PBX1: variants seen among roughly 807,000 people sequenced by gnomAD.
The protein encoded by PBX1 is PBX homeobox 1.
PBX1 carries 6 observed loss-of-function variants against 53.4 expected under a neutral mutation model. That is an observed-to-expected ratio of 0.11 (90% CI 0.06 to 0.22). The LOEUF (loss-of-function observed/expected upper bound fraction) is 0.22, where lower values mean the gene tolerates loss of function less well. PBX1 is among the 10% of genes least tolerant of loss of function. The pLI, the probability that PBX1 is intolerant of heterozygous loss-of-function variation, is 1.00. For missense variants in PBX1, 251 were observed against 551.4 expected (o/e 0.46, Z 5.46); for synonymous variants, 204 against 212.3 (o/e 0.96, Z 0.34).
chr1:164,560,102 G>A (rs778441936), intron 1 of PBX1, 89 bp downstream of exon 1: 27 of 996,230 alleles, frequency 2.7e-5, no homozygotes, highest in Non-Finnish European at 3.6e-5. Flanking sequence ...AATCACCACA[G>A]CGCTTTTTTT....
At chr1:164,679,478 G>A (rs115305598) in intron 2 of PBX1, among the ~76,000 whole-genome samples, 2,522 of 152,152 alleles carry the variant, frequency 0.017, 53 homozygotes, top group East Asian at 0.062. Flanking sequence ...ACAGGTGATG[G>A]GACACAGTGT....
chr1:164,647,850 A>C (rs888324380), intron 2 of PBX1, among the ~76,000 whole-genome samples: 1 of 143,772 alleles, frequency 7.0e-6, no homozygotes, highest in Non-Finnish European at 1.5e-5. Context: ...AGTCTTGCTC[A>C]GTCGCCCAGG....
At chr1:164,605,919 A>G (rs1434725235) in intron 2 of PBX1, among the ~76,000 whole-genome samples, 1 of 152,082 alleles carries the variant, frequency 6.6e-6, no homozygotes, top group Non-Finnish European at 1.5e-5. Context: ...TTAAGATTTT[A>G]TTTTTCATTA....
At chr1:164,677,994 A>G (rs893779247) in intron 2 of PBX1, among the ~76,000 whole-genome samples, 5 of 152,188 alleles carry the variant, frequency 3.3e-5, no homozygotes, top group Admixed American at 2.6e-4. Flanking sequence ...ATGTATGGGT[A>G]GTATGCACAC....
At position 164,860,306 on chromosome 1, in the gene PBX1, G is replaced by A. The variant is rs528043658; in HGVS notation, n.257+28823G>A. ...CACTAGTGCATGATCACTTAGATGAGTTAGCAATTGCTTTCTTTAAAGAAT... is the reference window on the plus strand; with the variant it reads ...CACTAGTGCATGATCACTTAGATGAATTAGCAATTGCTTTCTTTAAAGAAT... On this transcript the variant is annotated intron_variant and non_coding_transcript_variant, in intron 2 of 2. Coordinates refer to the PBX1 transcript ENST00000558796. 5.9e-5 allele frequency among the ~76,000 whole-genome samples: 9 copies of A among 152,302 alleles called. 1 individual carries two copies. The highest frequency in any genetic ancestry group is 2.2e-4 in the African/African-American group (9 of 41,582).
intron 2 of PBX1, among the ~76,000 whole-genome samples, chr1:164,873,868 A>G (rs1039284002): frequency 2.6e-5 from 4 of 152,184 alleles, no homozygotes; most frequent in East Asian, 3.8e-4. Context: ...CTTATACATA[A>G]GCCTTACAAT....
intron 2 of PBX1, among the ~76,000 whole-genome samples, chr1:164,872,016 C>T (rs1484564306): frequency 6.6e-6 from 1 of 152,150 alleles, no homozygotes; most frequent in East Asian, 1.9e-4. Context: ...TACTCGAGCT[C>T]AGTTCATCTT....
chr1:164,635,431 T>C (rs1368557720), intron 2 of PBX1, among the ~76,000 whole-genome samples: 1 of 152,210 alleles, frequency 6.6e-6, no homozygotes, highest in Non-Finnish European at 1.5e-5. Flanking sequence ...CAAATTAATA[T>C]ACTCTACTTA....
chr1:164,624,166 C>T (rs1657882664), intron 2 of PBX1, among the ~76,000 whole-genome samples: 1 of 152,182 alleles, frequency 6.6e-6, no homozygotes, highest in African/African-American at 2.4e-5. Context: ...CTACTGTTGC[C>T]ATTGATCATA....
At chr1:164,619,297 T>C (rs1657514712) in intron 2 of PBX1, among the ~76,000 whole-genome samples, 1 of 151,956 alleles carries the variant, frequency 6.6e-6, no homozygotes, top group Admixed American at 6.6e-5. Flanking sequence ...AGGCAGAGGG[T>C]GGGGCATTGG....
intron 3 of PBX1, 143 bp downstream of exon 3, chr1:164,792,881 G>C: frequency 1.5e-6 from 1 of 667,976 alleles, no homozygotes; most frequent in Non-Finnish European, 2.5e-6. Flanking sequence ...CCCAGCCACA[G>C]AGCCCTGGCC....
chr1:164,790,946 G>C (rs1668473802), intron 2 of PBX1, among the ~76,000 whole-genome samples: 1 of 151,478 alleles, frequency 6.6e-6, no homozygotes, highest in Non-Finnish European at 1.5e-5. Context: ...GGGCTCACCA[G>C]ATGCACTCTG....
chr1:164,631,039 G>C (rs1195209520), intron 2 of PBX1: 5 of 152,214 alleles, frequency 3.3e-5, no homozygotes, highest in Non-Finnish European at 7.3e-5. Flanking sequence ...CAGAAGTTGA[G>C]AGTGTGGAGT....
At position 164,849,558 on chromosome 1, in the gene PBX1, A is replaced by C. The variant is rs12137588; in HGVS notation, c.*2882A>C. On this transcript the variant is annotated 3_prime_UTR_variant, in exon 9 of 9. Coordinates refer to ENST00000420696, the MANE Select transcript of PBX1 (RefSeq NM_002585.4). ...CCAGGATTTCTTCATTTTCTAATAG[A>C]TGTGGGAGTGCTCCATTTTCCCCGA... 0.056 allele frequency: 62,967 copies of C among 1,129,528 alleles called. 1,931 individuals carry two copies. Among genetic ancestry groups the C allele is most frequent in the East Asian group, 0.098 (3,705 of 37,812 alleles). 70.0% of individuals were successfully genotyped at this position (1,129,528 alleles called of 1,614,324 possible).
At chr1:164,652,950 A>G (rs371387335) in intron 2 of PBX1, among the ~76,000 whole-genome samples, 26 of 151,294 alleles carry the variant, frequency 1.7e-4, no homozygotes, top group African/African-American at 6.1e-4. Flanking sequence ...GCTTGCTTCA[A>G]TCTCTACCTC....
intron 2 of PBX1, among the ~76,000 whole-genome samples, chr1:164,789,544 C>G (rs1309328726): frequency 6.6e-6 from 1 of 152,152 alleles, no homozygotes; most frequent in East Asian, 1.9e-4. Context: ...GCTTGGGGTA[C>G]CCATGTGATT....
intron 2 of PBX1, among the ~76,000 whole-genome samples, chr1:164,716,677 G>A (rs973021678): frequency 3.0e-4 from 24 of 79,612 alleles, no homozygotes; most frequent in Non-Finnish European, 4.6e-4. Flanking sequence ...CATGGGAAAT[G>A]TCATCTCTAC....
intron 2 of PBX1, among the ~76,000 whole-genome samples, chr1:164,673,430 C>T (rs150589174): frequency 6.3e-4 from 94 of 148,374 alleles, no homozygotes; most frequent in African/African-American, 1.7e-3. Flanking sequence ...TCAGCCCAAC[C>T]TCTCTGGCAT....
chr1:164,758,095 G>A (rs1245517859), intron 2 of PBX1, among the ~76,000 whole-genome samples: 1 of 152,068 alleles, frequency 6.6e-6, no homozygotes, highest in African/African-American at 2.4e-5. Context: ...ACCCACAGCC[G>A]CCTCATATTT....
Sources: allele counts gnomAD v4.1 joint callset (sites outside exome capture counted in the v4.1 genomes callset), GRCh38; gene constraint gnomAD v4.1.1; transcripts MANE v1.5; gene names NCBI Gene and HGNC (gene_info 2026-07-23, HGNC 2026-07-21).